The following ODF2 variants were observed in gnomAD, a reference collection of about 807,000 sequenced individuals.
ODF2 encodes outer dense fiber protein 2.
ODF2 carries 47 observed loss-of-function variants against 110.2 expected under a neutral mutation model. That is an observed-to-expected ratio of 0.43 (90% CI 0.34 to 0.54). The LOEUF is 0.54. ODF2 is among the 20% of genes least tolerant of loss of function. The probability of loss-of-function intolerance (pLI) is 0.03; values close to 1 mark genes in which losing one functional copy is unlikely to be tolerated. For missense variants in ODF2, 812 were observed against 1,054.5 expected (o/e 0.77, Z 3.19); for synonymous variants, 352 against 397.7 (o/e 0.89, Z 1.37).
At chr9:128,456,758 C>T (rs1834921348) in intron 1 of ODF2, 2 of 887,082 alleles carry the variant, frequency 2.3e-6, no homozygotes, top group South Asian at 1.0e-4. Flanking sequence ...CCTCGCCCGG[C>T]GGGGGGGGGT....
intron 8 of ODF2, 47 bp from the exon 9 acceptor site, chr9:128,481,533 G>A (rs762674342): frequency 2.8e-6 from 4 of 1,428,408 alleles, no homozygotes. Flanking sequence ...TAGACATCTG[G>A]GTTTATTGCT....
chr9:128,472,092 A>AGC (rs1203814068), intron 6 of ODF2, among the ~76,000 whole-genome samples: 1 of 152,154 alleles, frequency 6.6e-6, no homozygotes, highest in African/African-American at 2.4e-5. Flanking sequence ...CAGCCTGGCC[A>AGC]ACATGGTGAA....
intron 9 of ODF2, 143 bp downstream of exon 9, chr9:128,481,794 T>C (rs1842448500): frequency 1.7e-6 from 1 of 605,574 alleles, no homozygotes; most frequent in Non-Finnish European, 2.9e-6. Flanking sequence ...TAAAATGGGC[T>C]GATGTCCTCC....
chr9:128,487,303 G>C (rs117029479), intron 13 of ODF2, among the ~76,000 whole-genome samples: 155 of 152,276 alleles, frequency 1.0e-3, no homozygotes, highest in South Asian at 2.1e-3. Context: ...TTTCTTGGAG[G>C]GGGAGGTATG....
intron 4 of ODF2, among the ~76,000 whole-genome samples, chr9:128,466,017 C>A (rs1837780424): frequency 6.6e-6 from 1 of 150,922 alleles, no homozygotes; most frequent in South Asian, 2.1e-4. Flanking sequence ...GTCGCGCCAC[C>A]AATATCAGCT....
chr9:128,494,754 A>G lies in ODF2; in HGVS notation c.1911+86A>G. 1 of 1,611,846 alleles carries G rather than the reference A, an allele frequency of 6.2e-7. No homozygotes were observed. The highest frequency in any genetic ancestry group is 8.5e-7 in the Non-Finnish European group (1 of 1,179,082). On this transcript the variant is annotated intron_variant, in intron 17 of 20. Coordinates refer to ENST00000604420, the Ensembl canonical transcript of ODF2. The surrounding 1 kb of genome is among the most constrained non-coding windows in gnomAD (Gnocchi z 4.6). The stretch of plus-strand genomic sequence containing the variant: ...TGAGCTGCACGCCCCCCAAGGGAGG[A>G]CTACTTCCTTTTTCTTGGCTGCTGC...
At chr9:128,492,386 A>T (rs754058226) in intron 14 of ODF2, 40 bp from the exon 15 acceptor site, 1 of 1,404,192 alleles carries the variant, frequency 7.1e-7, no homozygotes, top group Non-Finnish European at 1.0e-6. Context: ...CACCTGAAGC[A>T]GAACCTTCCT....
intron 8 of ODF2, among the ~76,000 whole-genome samples, chr9:128,476,114 A>C (rs1389967775): frequency 6.6e-6 from 1 of 151,982 alleles, no homozygotes; most frequent in African/African-American, 2.4e-5. Context: ...TTCTTCATTC[A>C]TCTGTTGATG....
chr9:128,499,193 G>A, intron 20 of ODF2, 67 bp downstream of exon 20: 5 of 1,590,444 alleles, frequency 3.1e-6, no homozygotes, highest in Non-Finnish European at 4.3e-6. Context: ...GGGCCTGTGG[G>A]CCAAGGTGTT....
intron 3 of ODF2, 44 bp downstream of exon 3, chr9:128,460,710 G>A: frequency 6.2e-7 from 1 of 1,610,586 alleles, no homozygotes; most frequent in Middle Eastern, 1.7e-4. Flanking sequence ...GTGGATCTGG[G>A]TGATCCTGCT....
chr9:128,475,974 A>G (rs1310811065), intron 8 of ODF2, among the ~76,000 whole-genome samples: 1 of 151,972 alleles, frequency 6.6e-6, no homozygotes, highest in Non-Finnish European at 1.5e-5. Context: ...CCACATATAA[A>G]TGAAGTCATG....
chr9:128,473,700 C>T (rs759299592), exon 8 of ODF2: 6 of 1,613,598 alleles, frequency 3.7e-6, no homozygotes, highest in Admixed American at 3.3e-5. Context: ...GGAGACCAAC[C>T]GCACCCTCCG....
At chr9:128,480,489 G>A (rs1489507159) in intron 8 of ODF2, among the ~76,000 whole-genome samples, 8 of 152,190 alleles carry the variant, frequency 5.3e-5, no homozygotes, top group Non-Finnish European at 1.2e-4. Flanking sequence ...TTTAAATGGT[G>A]TTCAAATTTA....
At chr9:128,478,311 A>G (rs1213515303) in intron 8 of ODF2, among the ~76,000 whole-genome samples, 1 of 152,152 alleles carries the variant, frequency 6.6e-6, no homozygotes, top group African/African-American at 2.4e-5. Flanking sequence ...TCAAAAAGGA[A>G]AGAAAGCCAG....
chr9:128,483,903 A>G, intron 10 of ODF2, 35 bp from the exon 11 acceptor site: 1 of 1,453,926 alleles, frequency 6.9e-7, no homozygotes, highest in Non-Finnish European at 9.7e-7. Flanking sequence ...CAAACAAAAA[A>G]TTGTGCCTCC....
intron 4 of ODF2, among the ~76,000 whole-genome samples, chr9:128,468,753 C>T (rs1345074866): frequency 1.3e-5 from 2 of 152,100 alleles, no homozygotes; most frequent in East Asian, 1.9e-4. Context: ...AACTCCTGAC[C>T]TCTGGTCATC....
chr9:128,470,048 A>ATATAT (rs1554829182), intron 5 of ODF2, among the ~76,000 whole-genome samples: 5 of 81,870 alleles, frequency 6.1e-5, no homozygotes, highest in African/African-American at 1.7e-4. Context: ...TATATATATA[A>ATATAT]ATAAAAAAAT....
At chr9:128,466,621 A>G (rs1449802386) in intron 4 of ODF2, among the ~76,000 whole-genome samples, 1 of 150,118 alleles carries the variant, frequency 6.7e-6, no homozygotes, top group Non-Finnish European at 1.5e-5. Context: ...CCCCATCACA[A>G]GGAGTAAGTA....
At chr9:128,460,839 AT>A in intron 3 of ODF2, 102 bp from the exon 4 acceptor site, 2 of 1,547,468 alleles carry the variant, frequency 1.3e-6, no homozygotes, top group Non-Finnish European at 1.8e-6. Flanking sequence ...CAGCAGTAAC[AT>A]TAGTCAGAAG....
Sources: allele counts gnomAD v4.1 joint callset (sites outside exome capture counted in the v4.1 genomes callset), GRCh38; gene constraint gnomAD v4.1.1; non-coding constraint Gnocchi (gnomAD v3.1); transcripts MANE v1.5; gene names NCBI Gene and HGNC (gene_info 2026-07-23, HGNC 2026-07-21).